Variants in CES5A observed in about 807,000 individuals in gnomAD.
CES5A encodes the protein carboxylesterase 5.
In CES5A, 67 loss-of-function variants were observed where a neutral mutation model predicts 62.9. That is an observed-to-expected ratio of 1.07 (90% CI 0.88 to 1.31). The LOEUF is 1.31. Ranked by LOEUF, CES5A falls within the 50% of genes most tolerant of loss-of-function variation. CES5A has a pLI of 0.00. For missense variants in CES5A, 748 were observed against 708.5 expected, an observed-to-expected ratio of 1.06 and a Z score of -0.63; for synonymous variants, 296 against 280.8, an observed-to-expected ratio of 1.05 and a Z score of -0.54.
At chr16:55,940,529 T>G (rs1295930889) in intron 2 of CES5A, among the ~76,000 whole-genome samples, 2 of 152,032 alleles carry the variant, frequency 1.3e-5, no homozygotes, top group Non-Finnish European at 2.9e-5. Flanking sequence ...AAATTGAATC[T>G]ATCTTTTAAA....
At chr16:55,853,725 C>A (rs1295139923) in intron 9 of CES5A, among the ~76,000 whole-genome samples, 3 of 152,182 alleles carry the variant, frequency 2.0e-5, no homozygotes, top group African/African-American at 7.2e-5. Context: ...TTCGATGCTT[C>A]TCTGACCTGG....
intron 4 of CES5A, among the ~76,000 whole-genome samples, chr16:55,867,171 A>C (rs369450887): frequency 1.3e-4 from 20 of 152,128 alleles, no homozygotes; most frequent in East Asian, 9.7e-4. Flanking sequence ...GCTTTTCTCC[A>C]CAGCAGCAGC....
Position 55,846,340 on chromosome 16 carries a change from C to T in CES5A, c.*111G>A. 1 of 787,820 alleles carries T rather than the reference C, an allele frequency of 1.3e-6. No homozygotes were observed. Among genetic ancestry groups the T allele is most frequent in the Non-Finnish European group, 2.1e-6 (1 of 481,540 alleles). 48.8% of individuals were successfully genotyped at this position (787,820 alleles called of 1,614,324 possible). A position where few individuals can be genotyped will look rare whatever the true frequency, so the allele number is the denominator to read the frequency against. On this transcript the variant is annotated 3_prime_UTR_variant, in exon 13 of 13. Transcript: ENST00000290567. ...GTCCATAAAATATCAGCGAAAGCAG[C>T]TTGTTTTGCAAGGATCCCCATAGAA...
chr16:55,861,552 A>G, intron 6 of CES5A, 36 bp from the exon 7 acceptor site: 2 of 1,440,270 alleles, frequency 1.4e-6, no homozygotes, highest in Non-Finnish European at 2.0e-6. Flanking sequence ...AGAGCATGAT[A>G]TTGAAAGCAT....
At chr16:55,890,525 T>C (rs1212081079) in intron 1 of CES5A, among the ~76,000 whole-genome samples, 2 of 152,136 alleles carry the variant, frequency 1.3e-5, no homozygotes, top group African/African-American at 4.8e-5. Flanking sequence ...ACTACTTTAA[T>C]GAGACCTGCA....
upstream of CES5A, among the ~76,000 whole-genome samples, chr16:55,878,057 C>A (rs767700976): frequency 2.4e-4 from 37 of 152,146 alleles, no homozygotes; most frequent in Non-Finnish European, 4.7e-4. Context: ...GTAGCACAGG[C>A]CAGTGGCCTG....
chr16:55,919,028 C>G (rs1378127944), intron 1 of CES5A, among the ~76,000 whole-genome samples: 1 of 152,162 alleles, frequency 6.6e-6, no homozygotes, highest in Non-Finnish European at 1.5e-5. Context: ...CATCCTGGAG[C>G]CTTGGAAGCA....
chr16:55,928,300 T>C (rs181023570), upstream of CES5A, among the ~76,000 whole-genome samples: 40 of 152,286 alleles, frequency 2.6e-4, no homozygotes, highest in Admixed American at 2.4e-3. Context: ...CATTATCCTA[T>C]GTGAAGTAAC....
At chr16:55,922,305 C>T (rs2034213208) in intron 1 of CES5A, among the ~76,000 whole-genome samples, 1 of 151,808 alleles carries the variant, frequency 6.6e-6, no homozygotes, top group Non-Finnish European at 1.5e-5. Flanking sequence ...AAGAAACCCA[C>T]CTTACCTATA....
chr16:55,924,772 T>C (rs1597152135), intron 1 of CES5A, among the ~76,000 whole-genome samples: 2 of 151,072 alleles, frequency 1.3e-5, no homozygotes, highest in South Asian at 4.2e-4. Context: ...ATTAAACACA[T>C]TTAAAGGACA....
chr16:55,955,971 A>G (rs1436297319), exon 1 of CES5A: 5 of 1,388,242 alleles, frequency 3.6e-6, no homozygotes, highest in Non-Finnish European at 4.9e-6. Flanking sequence ...CATCATGTAC[A>G]TGGTACAGCT....
chr16:55,854,653 T>C (rs2033204114), intron 9 of CES5A, among the ~76,000 whole-genome samples: 1 of 147,998 alleles, frequency 6.8e-6, no homozygotes, highest in Non-Finnish European at 1.5e-5. Flanking sequence ...CTGCTTGGCC[T>C]CCCAAGTAGC....
intron 5 of CES5A, among the ~76,000 whole-genome samples, chr16:55,864,864 C>T (rs2033424446): frequency 1.3e-5 from 2 of 150,510 alleles, no homozygotes; most frequent in African/African-American, 4.9e-5. Flanking sequence ...ACTATGATCG[C>T]CCCACTGCTT....
In CES5A at chr16:55,849,783, G is replaced by T. The variant is rs767132603; in HGVS notation, c.1274-10C>A. On this transcript the variant is annotated splice_polypyrimidine_tract_variant and intron_variant, in intron 10 of 12. Transcript: ENST00000290567. ...ACAGGTGCACCAGCATCTGACAAAA[G>T]GTCAGGGAAGGTCAGGCATGCATGC... The T allele has an allele frequency of 6.2e-7, 1 of 1,612,858 alleles. No homozygotes were observed. Among genetic ancestry groups the T allele is most frequent in the Non-Finnish European group, 8.5e-7 (1 of 1,179,586 alleles).
At chr16:55,943,780 A>G (rs1158925531) in intron 2 of CES5A, among the ~76,000 whole-genome samples, 2 of 152,172 alleles carry the variant, frequency 1.3e-5, no homozygotes, top group Non-Finnish European at 1.5e-5. Flanking sequence ...CAGAACAGAA[A>G]GACAGGCCGG....
At chr16:55,922,730 A>C (rs2034219127) in intron 1 of CES5A, among the ~76,000 whole-genome samples, 1 of 151,990 alleles carries the variant, frequency 6.6e-6, no homozygotes, top group African/African-American at 2.4e-5. Context: ...TAACTGCTGC[A>C]GAATACACAT....
At chr16:55,867,045 G>C (rs1354087670) in intron 4 of CES5A, among the ~76,000 whole-genome samples, 1 of 152,032 alleles carries the variant, frequency 6.6e-6, no homozygotes, top group Admixed American at 6.5e-5. Context: ...TGACCTCTAG[G>C]AATGACATCA....
intron 9 of CES5A, 135 bp downstream of exon 9, chr16:55,856,242 G>A (rs777080186): frequency 1.3e-5 from 10 of 745,900 alleles, no homozygotes; most frequent in Non-Finnish European, 2.4e-5. Context: ...ATACACCTAT[G>A]CTTAGTAAAG....
At chr16:55,920,015 C>G (rs1457131089) in intron 1 of CES5A, among the ~76,000 whole-genome samples, 2 of 152,166 alleles carry the variant, frequency 1.3e-5, no homozygotes, top group Admixed American at 1.3e-4. Context: ...AAGCTAGTTT[C>G]ACATACTTCC....
Sources: allele counts gnomAD v4.1 joint callset (sites outside exome capture counted in the v4.1 genomes callset), GRCh38; gene constraint gnomAD v4.1.1; transcripts MANE v1.5; gene names NCBI Gene and HGNC (gene_info 2026-07-23, HGNC 2026-07-21).